Variants in RAB28 observed in about 807,000 individuals in gnomAD.
RAB28 encodes ras-related protein Rab-28.
RAB28 carries 24 observed loss-of-function variants against 31.7 expected under a neutral mutation model. The observed-to-expected ratio is 0.76, with a 90% CI of 0.55 to 1.06. The LOEUF is 1.06. Among genes scored for constraint, RAB28 ranks in the 50% least tolerant of loss-of-function variants. The pLI, the probability that RAB28 is intolerant of heterozygous loss-of-function variation, is 0.00. For missense variants in RAB28, 254 were observed against 258.5 expected, an observed-to-expected ratio of 0.98 and a Z score of 0.12; for synonymous variants, 100 against 90.4, an observed-to-expected ratio of 1.11 and a Z score of -0.60.
At chr4:13,409,463 T>C (rs1712297187) in intron 4 of RAB28, among the ~76,000 whole-genome samples, 1 of 152,202 alleles carries the variant, frequency 6.6e-6, no homozygotes, top group South Asian at 2.1e-4. Context: ...ACTCTAATCC[T>C]GATACCAAGG....
rs1729543713 is a variant in RAB28, at chr4:13,389,763, A to G, written c.392-8169T>C. On this transcript the variant is annotated intron_variant, in intron 4 of 6. Transcript: ENST00000330852. ...GCTTTTATTCAGAAGCAACAAATTAAAATTCTGAATCTACCTTCACATAAA... is the reference window on the plus strand; with the variant it reads ...GCTTTTATTCAGAAGCAACAAATTAGAATTCTGAATCTACCTTCACATAAA... 2.0e-5 allele frequency among the ~76,000 whole-genome samples: 3 copies of G among 151,552 alleles called. No individual in the cohort carries two copies. The South Asian group carries it at 6.3e-4, about 32-fold the overall frequency.
chr4:13,404,477 T>A (rs1396908787), intron 4 of RAB28, among the ~76,000 whole-genome samples: 1 of 152,128 alleles, frequency 6.6e-6, no homozygotes, highest in Non-Finnish European at 1.5e-5. Flanking sequence ...AGAGGAACAA[T>A]CCATTCCTCA....
chr4:13,400,489 G>C (rs377039612), intron 4 of RAB28, among the ~76,000 whole-genome samples: 1 of 152,066 alleles, frequency 6.6e-6, no homozygotes, highest in East Asian at 1.9e-4. Flanking sequence ...TTTAGGTCTT[G>C]TTTTATCATT....
chr4:13,416,103 T>C (rs1378666958), intron 4 of RAB28, among the ~76,000 whole-genome samples: 2 of 152,070 alleles, frequency 1.3e-5, no homozygotes, highest in African/African-American at 4.8e-5. Context: ...CTCTGTAAAA[T>C]GGAGCAATCA....
At chr4:13,396,166 C>T (rs1019152517) in intron 4 of RAB28, among the ~76,000 whole-genome samples, 1 of 151,918 alleles carries the variant, frequency 6.6e-6, no homozygotes, top group Admixed American at 6.6e-5. Flanking sequence ...CACTGTCTAA[C>T]TTAAAAGAAG....
intron 4 of RAB28, among the ~76,000 whole-genome samples, chr4:13,444,422 C>A (rs1714594250): frequency 6.6e-6 from 1 of 152,064 alleles, no homozygotes; most frequent in Admixed American, 6.5e-5. Context: ...ATCCATTTAT[C>A]CAATGATGGA....
intron 2 of RAB28, among the ~76,000 whole-genome samples, chr4:13,478,919 T>C (rs911842655): frequency 1.3e-5 from 2 of 151,588 alleles, no homozygotes; most frequent in Non-Finnish European, 3.0e-5. Flanking sequence ...ACCCTAAATT[T>C]TAGTGGTCTA....
chr4:13,458,043 A>T (rs975455316), intron 4 of RAB28, among the ~76,000 whole-genome samples: 3 of 152,218 alleles, frequency 2.0e-5, no homozygotes, highest in African/African-American at 7.2e-5. Context: ...AACAGAACGT[A>T]AGCTCATCAA....
At chr4:13,382,903 T>C (rs543569336) in intron 4 of RAB28, among the ~76,000 whole-genome samples, 5 of 152,206 alleles carry the variant, frequency 3.3e-5, no homozygotes, top group African/African-American at 9.6e-5. Flanking sequence ...TTTCACTACG[T>C]TGGCCAGGTT....
At chr4:13,374,387 C>A (rs1004683709) in intron 6 of RAB28, among the ~76,000 whole-genome samples, 33 of 152,064 alleles carry the variant, frequency 2.2e-4, no homozygotes, top group African/African-American at 7.7e-4. Flanking sequence ...GTTGATCTTG[C>A]AACATGAGGG....
chr4:13,432,978 A>C (rs1713892749), intron 4 of RAB28, among the ~76,000 whole-genome samples: 1 of 151,644 alleles, frequency 6.6e-6, no homozygotes, highest in South Asian at 2.1e-4. Context: ...TGGCAAATTG[A>C]ATTTAAAAAA....
intron 4 of RAB28, among the ~76,000 whole-genome samples, chr4:13,419,855 A>G (rs1332782605): frequency 6.6e-6 from 1 of 152,164 alleles, no homozygotes; most frequent in Non-Finnish European, 1.5e-5. Context: ...GAGAAGCAAG[A>G]GCAAACACAT....
chr4:13,433,788 C>G (rs1411216006), intron 4 of RAB28, among the ~76,000 whole-genome samples: 1 of 151,944 alleles, frequency 6.6e-6, no homozygotes, highest in Non-Finnish European at 1.5e-5. Context: ...ACCATTAGAC[C>G]CAGCAATCCC....
At chr4:13,474,995 G>C (rs192461801) in intron 2 of RAB28, among the ~76,000 whole-genome samples, 1 of 151,524 alleles carries the variant, frequency 6.6e-6, no homozygotes, top group East Asian at 1.9e-4. Context: ...AAATAGAAAC[G>C]CATTTGATAG....
chr4:13,390,163 T>A (rs950121231), intron 4 of RAB28, among the ~76,000 whole-genome samples: 1 of 152,106 alleles, frequency 6.6e-6, no homozygotes, highest in Non-Finnish European at 1.5e-5. Context: ...AAACCCCATC[T>A]TCTCAGCCCA....
intron 4 of RAB28, among the ~76,000 whole-genome samples, chr4:13,440,443 A>T (rs1005305977): frequency 6.6e-5 from 10 of 152,144 alleles, no homozygotes; most frequent in Admixed American, 1.3e-4. Context: ...CAAAAAAGTT[A>T]TTTAAATAAT....
At chr4:13,408,472 T>C (rs1712230683) in intron 4 of RAB28, among the ~76,000 whole-genome samples, 1 of 152,202 alleles carries the variant, frequency 6.6e-6, no homozygotes, top group South Asian at 2.1e-4. Flanking sequence ...CTTGAAATTT[T>C]CTTTTTTTGT....
At chr4:13,456,722 A>C (rs1715321441) in intron 4 of RAB28, among the ~76,000 whole-genome samples, 1 of 147,594 alleles carries the variant, frequency 6.8e-6, no homozygotes, top group Admixed American at 6.6e-5. Context: ...AATTCATTTT[A>C]ATAACTGTAC....
chr4:13,441,037 G>GA, intron 4 of RAB28, among the ~76,000 whole-genome samples: 1 of 151,744 alleles, frequency 6.6e-6, no homozygotes, highest in Admixed American at 6.6e-5. Context: ...GGGAAGGAAG[G>GA]AAAAAATCCT....
Sources: allele counts gnomAD v4.1 joint callset (sites outside exome capture counted in the v4.1 genomes callset), GRCh38; gene constraint gnomAD v4.1.1; transcripts MANE v1.5; gene names NCBI Gene and HGNC (gene_info 2026-07-23, HGNC 2026-07-21).